Variants in ZNF775 observed in about 807,000 individuals in gnomAD.
The protein encoded by ZNF775 is zinc finger protein 775.
Under a neutral mutation model 2.4 loss-of-function variants are expected in ZNF775, and 1 was observed. The observed-to-expected ratio is 0.41, with a 90% CI of 0.15 to 1.94. The LOEUF is 1.94. Among genes scored for constraint, ZNF775 ranks in the 30% most tolerant of loss-of-function variants. ZNF775 has a pLI of 0.30. For missense variants in ZNF775, 823 were observed against 826.6 expected (o/e 1.00, Z 0.05); for synonymous variants, 381 against 373.3 (o/e 1.02, Z -0.24).
At chr7:150,396,051 G>C (rs556279156) in intron 2 of ZNF775, among the ~76,000 whole-genome samples, 1 of 152,214 alleles carries the variant, frequency 6.6e-6, no homozygotes, top group Non-Finnish European at 1.5e-5. Context: ...CTTCCAGCAC[G>C]TCGATCCTCT....
At position 150,384,979 on chromosome 7, in the gene ZNF775, G is replaced by A. The variant is rs2129620907; in HGVS notation, c.-49-3443G>A. On this transcript the variant is annotated intron_variant, in intron 1 of 2. Coordinates refer to ENST00000329630, the MANE Select transcript of ZNF775 (RefSeq NM_173680.4). The surrounding 1 kb of genome is among the most constrained non-coding windows in gnomAD (Gnocchi z 4.1). ...TGTGGCCTGGGCTCTGCCCTCCTCG[G>A]TCTGAGTTCCCCTTACCAAGGTGGC... 6.6e-6 allele frequency among the ~76,000 whole-genome samples: 1 copy of A among 152,324 alleles called. No individual in the cohort carries two copies. Among genetic ancestry groups the A allele is most frequent in the African/African-American group, 2.4e-5 (1 of 41,576 alleles).
Position 150,398,423 on chromosome 7 carries a change from G to T in ZNF775, c.*328G>T. On this transcript the variant is annotated 3_prime_UTR_variant, in exon 3 of 3. Transcript: ENST00000329630. ...CTGGGAGAGTCTCTGGTGTGAAGTG[G>T]CTTAGGTCTGGACTGGTCAGCTGTG... The T allele has an allele frequency of 2.5e-6, 1 of 401,998 alleles. No homozygotes were observed. Among genetic ancestry groups the T allele is most frequent in the Non-Finnish European group, 4.5e-6 (1 of 223,748 alleles). 24.9% of individuals were successfully genotyped at this position (401,998 alleles called of 1,614,324 possible). A position where few individuals can be genotyped will look rare whatever the true frequency, so the allele number is the denominator to read the frequency against.
chr7:150,379,487 C>G (rs980916056), intron 1 of ZNF775, 95 bp downstream of exon 1: 8 of 152,136 alleles, frequency 5.3e-5, no homozygotes, highest in Non-Finnish European at 8.8e-5. Context: ...CCCCGCTCCT[C>G]CCGTGCTGCC....
rs780174059 is a variant in ZNF775, at chr7:150,398,067, C to T, written c.1586C>T (p.Ala529Val). ...CAGCGCGTGCACCGCGCGGCCCCTG[C>T]GTGCAGCCCCAAGGAGGAGGCGCGC... ...KHQRVHRAAP[A>V]CSPKEEAR Residue 529 changes from alanine (A) to valine (V), a missense_variant, in exon 3 of 3, where the codon GCG becomes GTG. Coordinates refer to ENST00000329630, the MANE Select transcript of ZNF775 (RefSeq NM_173680.4). The T allele has an allele frequency of 3.2e-6, 5 of 1,560,696 alleles. No homozygotes were observed. The East Asian group carries it at 9.4e-5, about 29-fold the overall frequency.
rs760973582 is a variant in ZNF775, at chr7:150,397,516, C to T, written c.1035C>T (p.Gly345=). 6.4e-7 allele frequency: 1 copy of T among 1,566,722 alleles called. No homozygotes were observed. Among genetic ancestry groups the T allele is most frequent in the Non-Finnish European group, 8.6e-7 (1 of 1,163,586 alleles). Residue 345 remains glycine (G), a synonymous_variant, in exon 3 of 3, where the codon GGC becomes GGT. Coordinates refer to ENST00000329630, the MANE Select transcript of ZNF775 (RefSeq NM_173680.4). ...ACCCCTGCCCGCACTGTGGCCGCGG[C>T]TTCCGCCAGAAGCAGCACCTGCTCA... ...RPHPCPHCGR[G]FRQKQHLLKH...
chr7:150,392,730 T>A (rs1208896303), intron 2 of ZNF775, among the ~76,000 whole-genome samples: 2 of 152,164 alleles, frequency 1.3e-5, no homozygotes, highest in African/African-American at 4.8e-5. Context: ...AGACAGGTGT[T>A]GCTATGTTGC....
rs750143247 is a variant in ZNF775 at position 150,397,815 on chromosome 7, A to G, written c.1334A>G (p.Gln445Arg). ...CTCGCTGGGCCTGGCGAGCCGCGCC[A>G]GTTCATCTGCAACGAGTGCGGCAAG... is the stretch of plus-strand genomic sequence containing the variant. Reference protein sequence around the residue: ...AGLAGPGEPRQFICNECGKSF... With the variant: ...AGLAGPGEPRRFICNECGKSF... The change falls in exon 3 of 3, where the codon CAG becomes CGG. Residue 445 changes from glutamine to arginine, a missense_variant. Transcript: ENST00000329630. 3.8e-6 allele frequency: 6 copies of G among 1,592,470 alleles called. No homozygotes were observed. Among genetic ancestry groups the G allele is most frequent in the Middle Eastern group, 1.7e-4 (1 of 6,058 alleles).
intron 1 of ZNF775, chr7:150,379,851 A>T (rs1257696391): frequency 6.6e-6 from 1 of 152,340 alleles, no homozygotes; most frequent in Non-Finnish European, 1.5e-5. Context: ...ATAGTAGGTG[A>T]CCAATAAATG....
At chr7:150,379,513 C>CTGGGGCGGAGGGA (rs1160968419) in intron 1 of ZNF775, 121 bp downstream of exon 1, 4 of 152,146 alleles carry the variant, frequency 2.6e-5, no homozygotes, top group Non-Finnish European at 5.9e-5. Context: ...CCGGCCCGGG[C>CTGGGGCGGAGGGA]TGGGGCGGAG....
chr7:150,386,529 G>T (rs1014023188), intron 1 of ZNF775, among the ~76,000 whole-genome samples: 3 of 152,168 alleles, frequency 2.0e-5, no homozygotes, highest in African/African-American at 7.2e-5. Context: ...GGACCTAGGA[G>T]AGGGAGTCTG....
In ZNF775 at chr7:150,384,747, G is replaced by C. The variant is rs1278536456; in HGVS notation, c.-49-3675G>C. Among the ~76,000 whole-genome samples, 3 of 152,170 alleles carry C rather than the reference G, an allele frequency of 2.0e-5. No individual in the cohort carries two copies. The highest frequency in any genetic ancestry group is 4.4e-5 in the Non-Finnish European group (3 of 68,030). ...CACAGGCTGCTTCCCCTCGAGCCCT[G>C]GTATGGCCCGAGACAGAGGCACCGA... On this transcript the variant is annotated intron_variant, in intron 1 of 2. Transcript: ENST00000329630. This position sits in a 1 kb window ranked among gnomAD's most constrained non-coding sequence, Gnocchi z 4.1.
chr7:150,379,926 G>A (rs540318062), intron 1 of ZNF775: 1 of 152,506 alleles, frequency 6.6e-6, no homozygotes, highest in East Asian at 1.9e-4. Context: ...CACCGCAGAA[G>A]TTGGAAGTGT....
At chr7:150,385,661 G>T (rs577558010) in intron 1 of ZNF775, among the ~76,000 whole-genome samples, 1 of 152,226 alleles carries the variant, frequency 6.6e-6, no homozygotes, top group Non-Finnish European at 1.5e-5. Context: ...CCTCCAGCAA[G>T]AGGACTGGAC....
intron 2 of ZNF775, among the ~76,000 whole-genome samples, chr7:150,394,986 C>G (rs1800624448): frequency 6.6e-6 from 1 of 151,978 alleles, no homozygotes; most frequent in African/African-American, 2.4e-5. Flanking sequence ...TTTTCTTTCC[C>G]TTTGCTCCTA....
rs764612416 is a variant in ZNF775, at chr7:150,396,669, T to TG, written c.194dup (p.Gln66ThrfsTer14). On this transcript the variant is annotated frameshift_variant, in exon 3 of 3. Coordinates refer to ENST00000329630, the MANE Select transcript of ZNF775 (RefSeq NM_173680.4). LOFTEE classifies it low-confidence loss of function (END_TRUNC). Reference sequence around the variant, plus strand: ...CAGACCATGGGGCGGCCTCGAGCCCTGGGGGGACAGGAGGAGTCTGGGAGT... The same window carrying TG: ...CAGACCATGGGGCGGCCTCGAGCCCTGGGGGGGACAGGAGGAGTCTGGGAGT... The TG allele has an allele frequency of 1.2e-6, 2 of 1,609,942 alleles. No individual in the cohort carries two copies. The highest frequency in any genetic ancestry group is 2.7e-5 in the African/African-American group (2 of 74,908).
At chr7:150,381,706 C>T (rs1347830671) in intron 1 of ZNF775, among the ~76,000 whole-genome samples, 1 of 152,144 alleles carries the variant, frequency 6.6e-6, no homozygotes, top group Non-Finnish European at 1.5e-5. Context: ...AATCTCAGTC[C>T]CTGTCTGGGG....
At chr7:150,386,994 G>T (rs1473124740) in intron 1 of ZNF775, among the ~76,000 whole-genome samples, 1 of 152,134 alleles carries the variant, frequency 6.6e-6, no homozygotes. Context: ...TTAGGCTGGT[G>T]ACTGTAAATA....
chr7:150,379,962 CCT>C (rs1018891365), intron 1 of ZNF775: 1 of 152,126 alleles, frequency 6.6e-6, no homozygotes, highest in Non-Finnish European at 1.5e-5. Context: ...GCGGAGAACT[CCT>C]CTCTAGGAAG....
rs537055940 is a variant in ZNF775 at position 150,384,364 on chromosome 7, T to A, written c.-49-4058T>A. On this transcript the variant is annotated intron_variant, in intron 1 of 2. Coordinates refer to ENST00000329630, the MANE Select transcript of ZNF775 (RefSeq NM_173680.4). The surrounding 1 kb of genome is among the most constrained non-coding windows in gnomAD (Gnocchi z 4.1). ...AGCCGGGGCGCTTTGCTGGGCAGCC[T>A]GCTCACCTGGCTCCTGGGTGTCTCC... 1.1e-4 allele frequency among the ~76,000 whole-genome samples: 17 copies of A among 152,330 alleles called. No individual in the cohort carries two copies. Among genetic ancestry groups the A allele is most frequent in the Non-Finnish European group, 1.6e-4 (11 of 68,028 alleles).
Sources: gnomAD v4.1 joint callset for allele counts (sites outside exome capture counted in the v4.1 genomes callset) on GRCh38, gnomAD v4.1.1 for gene constraint, Gnocchi (gnomAD v3.1) non-coding constraint, MANE v1.5 for transcripts, NCBI Gene and HGNC (gene_info 2026-07-23, HGNC 2026-07-21) for gene names.